ARNT2: variants seen among roughly 807,000 people sequenced by gnomAD.
The protein encoded by ARNT2 is ARNT protein 2.
Under a neutral mutation model 91.7 loss-of-function variants are expected in ARNT2, and 36 were observed. That is an observed-to-expected ratio of 0.39 (90% confidence interval 0.30 to 0.52). ARNT2 has a LOEUF of 0.52. Among genes scored for constraint, ARNT2 ranks in the 20% least tolerant of loss-of-function variants. The pLI is 0.72. For missense variants in ARNT2, 775 were observed against 939.3 expected, an observed-to-expected ratio of 0.83 and a Z score of 2.29; for synonymous variants, 365 against 347.1, an observed-to-expected ratio of 1.05 and a Z score of -0.57.
Position 80,597,891 on chromosome 15 carries a change from T to G in ARNT2, c.*4193T>G, listed in dbSNP as rs1567012247. The G allele has an allele frequency of 6.5e-6, 1 of 152,724 alleles. No homozygotes were observed. 9.5% of individuals were successfully genotyped at this position (152,724 alleles called of 1,614,324 possible). On this transcript the variant is annotated 3_prime_UTR_variant, in exon 19 of 19. Transcript: ENST00000303329. Reference sequence around the variant, plus strand: ...TATATGTGTAACTAATGTAACTGCCTTTTAAAATTTCATTACAATAAAAAT... The same window carrying G: ...TATATGTGTAACTAATGTAACTGCCGTTTAAAATTTCATTACAATAAAAAT...
chr15:80,532,405 G>T (rs1261611516), intron 8 of ARNT2, among the ~76,000 whole-genome samples: 1 of 152,094 alleles, frequency 6.6e-6, no homozygotes, highest in African/African-American at 2.4e-5. Context: ...GCTATTCATT[G>T]TACCATTGTG....
chr15:80,508,342 C>T lies in ARNT2; in HGVS notation c.725+84C>T, dbSNP rs190191873. ...CGTTAAGAGCCTTGACCAGCTCTGC[C>T]GCAGTCACACATGCCAACGTGGGTT... is the stretch of plus-strand genomic sequence containing the variant. On this transcript the variant is annotated intron_variant, in intron 6 of 18. Coordinates refer to ENST00000303329, the MANE Select transcript of ARNT2 (RefSeq NM_014862.4). 4.2e-5 allele frequency: 58 copies of T among 1,371,034 alleles called. No homozygotes were observed. The East Asian group carries it at 6.1e-4, about 14-fold the overall frequency. 84.9% of individuals were successfully genotyped at this position (1,371,034 alleles called of 1,614,324 possible).
intron 6 of ARNT2, among the ~76,000 whole-genome samples, chr15:80,513,458 C>A (rs1447534603): frequency 6.6e-6 from 1 of 152,144 alleles, no homozygotes; most frequent in Non-Finnish European, 1.5e-5. Flanking sequence ...GATGCTAAAG[C>A]CTGAGAAGAT....
chr15:80,404,628 C>G lies in ARNT2; in HGVS notation c.31+82C>G. 2.1e-6 allele frequency: 2 copies of G among 933,206 alleles called. No homozygotes were observed. Among genetic ancestry groups the G allele is most frequent in the Non-Finnish European group, 2.6e-6 (2 of 780,642 alleles). The allele number at this position is 933,206 out of a possible 1,614,324, so 57.8% of individuals were successfully genotyped here. A position where few individuals can be genotyped will look rare whatever the true frequency, so the allele number is the denominator to read the frequency against. On this transcript the variant is annotated intron_variant, in intron 1 of 18. Transcript: ENST00000303329. The surrounding 1 kb of genome is among the most constrained non-coding windows in gnomAD (Gnocchi z 5.5). ...CGGAGCGGACCAGGCGCGCCGGGCGCCCCCGGGGGCGCGGAGCCGCAGCTC... is the reference window on the plus strand; with the variant it reads ...CGGAGCGGACCAGGCGCGCCGGGCGGCCCCGGGGGCGCGGAGCCGCAGCTC...
chr15:80,405,472 T>G (rs1595948786), intron 1 of ARNT2, among the ~76,000 whole-genome samples: 1 of 150,858 alleles, frequency 6.6e-6, no homozygotes, highest in South Asian at 2.1e-4. Context: ...CAGAGGGAGG[T>G]CATGTGTTGG....
chr15:80,490,834 A>C (rs970657917), intron 5 of ARNT2, among the ~76,000 whole-genome samples: 1 of 152,264 alleles, frequency 6.6e-6, no homozygotes, highest in African/African-American at 2.4e-5. Context: ...ACCATGCATC[A>C]TGGAGCTTTA....
At position 80,594,717 on chromosome 15, in the gene ARNT2, C is replaced by G. The variant is rs1893344297; in HGVS notation, c.*1019C>G. The G allele has an allele frequency of 6.6e-6, 1 of 152,620 alleles. No homozygotes were observed. The highest frequency in any genetic ancestry group is 2.4e-5 in the African/African-American group (1 of 41,474). 9.5% of individuals were successfully genotyped at this position (152,620 alleles called of 1,614,324 possible). On this transcript the variant is annotated 3_prime_UTR_variant, in exon 19 of 19. Coordinates refer to ENST00000303329, the MANE Select transcript of ARNT2 (RefSeq NM_014862.4). The stretch of plus-strand genomic sequence containing the variant: ...GTGAGAGGAGGACCTTGTGCCTGCC[C>G]AGAGCCTGCAGGACAGCACGCCTTG...
chr15:80,523,745 G>A (rs896051478), intron 8 of ARNT2, among the ~76,000 whole-genome samples: 38 of 152,258 alleles, frequency 2.5e-4, no homozygotes, highest in African/African-American at 7.7e-4. Flanking sequence ...CCCAAGGTGC[G>A]GACAGGTGAC....
chr15:80,577,741 C>T (rs137909811), intron 15 of ARNT2, among the ~76,000 whole-genome samples: 337 of 152,358 alleles, frequency 2.2e-3, no homozygotes, highest in African/African-American at 7.7e-3. Context: ...GAGGCCCCTG[C>T]CACGGGACTG....
chr15:80,449,975 G>A (rs1896362559), intron 1 of ARNT2, among the ~76,000 whole-genome samples: 1 of 152,162 alleles, frequency 6.6e-6, no homozygotes, highest in African/African-American at 2.4e-5. Flanking sequence ...TCCCAACCAC[G>A]GTAAACAGAA....
intron 2 of ARNT2, 92 bp from the exon 3 acceptor site, chr15:80,457,837 G>A: frequency 7.2e-7 from 1 of 1,385,204 alleles, no homozygotes; most frequent in Non-Finnish European, 1.0e-6. Flanking sequence ...AGCAGTCCTA[G>A]TGAATAAAGC....
At chr15:80,492,036 C>T (rs1566986317) in intron 5 of ARNT2, among the ~76,000 whole-genome samples, 1 of 151,840 alleles carries the variant, frequency 6.6e-6, no homozygotes, top group Non-Finnish European at 1.5e-5. Flanking sequence ...GTCCTTCTTT[C>T]TTTCTTTCTT....
At chr15:80,514,614 C>A (rs1897402298) in intron 8 of ARNT2, among the ~76,000 whole-genome samples, 1 of 152,238 alleles carries the variant, frequency 6.6e-6, no homozygotes, top group East Asian at 1.9e-4. Flanking sequence ...CAACCAGACG[C>A]AGTGGCTCAC....
chr15:80,451,497 C>T (rs528429870), intron 2 of ARNT2, among the ~76,000 whole-genome samples: 1 of 152,354 alleles, frequency 6.6e-6, no homozygotes, highest in South Asian at 2.1e-4. Context: ...GGTAATAATA[C>T]TAAGTACTAT....
chr15:80,496,413 G>A lies in ARNT2; in HGVS notation c.623-11743G>A, dbSNP rs941188386. Among the ~76,000 whole-genome samples the A allele has an allele frequency of 5.9e-5, 9 of 152,190 alleles. No homozygotes were observed. The East Asian group carries it at 1.3e-3, about 23-fold the overall frequency. ...GCCTGTAACTCCAGCTGGTAAGGAC[G>A]CTGCACTTGGTCACTGCTGTGAAAC... is the stretch of plus-strand genomic sequence containing the variant. On this transcript the variant is annotated intron_variant, in intron 5 of 18. Transcript: ENST00000303329.
intron 8 of ARNT2, among the ~76,000 whole-genome samples, chr15:80,526,747 A>AT (rs1897646622): frequency 6.6e-6 from 1 of 152,168 alleles, no homozygotes; most frequent in African/African-American, 2.4e-5. Context: ...GCCTGAGGTT[A>AT]TTTTGGGGTT....
At chr15:80,408,172 TGGAG>T (rs1209193254) in intron 1 of ARNT2, among the ~76,000 whole-genome samples, 1 of 152,194 alleles carries the variant, frequency 6.6e-6, no homozygotes, top group Admixed American at 6.5e-5. Context: ...TTGCCTTAGA[TGGAG>T]GGACATTTGA....
In ARNT2 at chr15:80,596,952, G is replaced by T. The variant is rs554075817; in HGVS notation, c.*3254G>T. 20 of 353,886 alleles carry T rather than the reference G, an allele frequency of 5.7e-5. No homozygotes were observed. Among genetic ancestry groups the T allele is most frequent in the South Asian group, 4.1e-4 (19 of 46,780 alleles). 21.9% of individuals were successfully genotyped at this position (353,886 alleles called of 1,614,324 possible). The stretch of plus-strand genomic sequence containing the variant: ...GTTTTATTTTTAGCTTTGGCTTCAG[G>T]GAGTGACAGCCATCACAAATAGCCA... On this transcript the variant is annotated 3_prime_UTR_variant, in exon 19 of 19. Transcript: ENST00000303329.
At position 80,508,150 on chromosome 15, in the gene ARNT2, T is replaced by C. The variant is rs1595990738; in HGVS notation, c.623-6T>C. 6 of 1,614,036 alleles carry C rather than the reference T, an allele frequency of 3.7e-6. No individual in the cohort carries two copies. The highest frequency in any genetic ancestry group is 5.1e-6 in the Non-Finnish European group (6 of 1,179,954). Reference sequence around the variant, plus strand: ...GCTTACGTAACTGTCCTTCTCTCTCTCTTAGGCCGGATCTTGGACCTGAAG... The same window carrying C: ...GCTTACGTAACTGTCCTTCTCTCTCCCTTAGGCCGGATCTTGGACCTGAAG... On this transcript the variant is annotated splice_region_variant and splice_polypyrimidine_tract_variant and intron_variant, in intron 5 of 18. Coordinates refer to ENST00000303329, the MANE Select transcript of ARNT2 (RefSeq NM_014862.4).
Sources: allele counts gnomAD v4.1 joint callset (sites outside exome capture counted in the v4.1 genomes callset), GRCh38; gene constraint gnomAD v4.1.1; non-coding constraint Gnocchi (gnomAD v3.1); transcripts MANE v1.5; gene names NCBI Gene and HGNC (gene_info 2026-07-23, HGNC 2026-07-21).